KNTC1: variants seen among roughly 807,000 people sequenced by gnomAD.
KNTC1 encodes the protein kinetochore associated 1.
A neutral mutation model predicts 314.4 loss-of-function variants in KNTC1; 253 were observed. That is an observed-to-expected ratio of 0.80 (90% CI 0.73 to 0.89). The LOEUF is 0.89. Among genes scored for constraint, KNTC1 ranks in the 40% least tolerant of loss-of-function variants. KNTC1 has a pLI of 0.00. For synonymous variants in KNTC1, 901 were observed against 901.4 expected (o/e 1.00, Z 0.01); for missense variants, 2,475 against 2,572.9 (o/e 0.96, Z 0.82).
At chr12:122,582,588 G>A (rs1411489306) in intron 33 of KNTC1, 117 bp from the exon 34 acceptor site, 2 of 920,558 alleles carry the variant, frequency 2.2e-6, no homozygotes, top group African/African-American at 1.7e-5. Context: ...GCCCAGACAT[G>A]TACCCCTGAA....
rs369781146 is a variant in KNTC1, at chr12:122,546,632, G to T, written c.774G>T (p.Lys258Asn). Reference sequence around the variant, plus strand: ...TTTTCTCTTTTGTAGGTGCAAAGAAGTTCCAGCTGATAGACAATCTACTTT... The same window carrying T: ...TTTTCTCTTTTGTAGGTGCAAAGAATTTCCAGCTGATAGACAATCTACTTT... ...IDAEIIKGAK[K>N]FQLIDNLLFV... Residue 258 changes from lysine (K) to asparagine (N), a missense_variant, in exon 10 of 64, where the codon AAG (lysine) becomes AAT (asparagine). Physicochemically the swap from Lys to Asn is moderately conservative, Grantham distance 94. Coordinates refer to ENST00000333479, the MANE Select transcript of KNTC1 (RefSeq NM_014708.6). 1.9e-6 allele frequency: 3 copies of T among 1,585,860 alleles called. No homozygotes were observed. The African/African-American group carries it at 4.0e-5, about 21-fold the overall frequency.
intron 36 of KNTC1, among the ~76,000 whole-genome samples, chr12:122,585,242 A>G (rs773876042): frequency 6.6e-6 from 1 of 151,954 alleles, no homozygotes; most frequent in Non-Finnish European, 1.5e-5. Flanking sequence ...GGGTCTCACC[A>G]TCTTGTCTAG....
chr12:122,547,452 C>T lies in KNTC1; in HGVS notation c.854C>T (p.Pro285Leu), dbSNP rs747849684. The part of the protein sequence containing the change: ...LSLWDIYTLT[P>L]VWNWPSLHVE... ...TTATGGGATATTTACACTCTAACTC[C>T]TGTATGGAACTGGCCCTCTCTTCAC... The change falls in exon 11 of 64, where the codon CCT (proline) becomes CTT (leucine). Residue 285 changes from proline to leucine, a missense_variant. Pro to Leu is a moderately conservative substitution (Grantham distance 98, BLOSUM62 -3). Coordinates refer to ENST00000333479, the MANE Select transcript of KNTC1 (RefSeq NM_014708.6). 8.7e-6 allele frequency: 14 copies of T among 1,612,724 alleles called. No homozygotes were observed. Among genetic ancestry groups the T allele is most frequent in the Non-Finnish European group, 1.1e-5 (13 of 1,179,020 alleles).
intron 22 of KNTC1, among the ~76,000 whole-genome samples, chr12:122,570,345 C>T (rs1044306747): frequency 2.6e-5 from 4 of 151,662 alleles, no homozygotes; most frequent in African/African-American, 4.8e-5. Context: ...ATGGTGAAAC[C>T]CTGTGTCTAC....
intron 31 of KNTC1, 78 bp downstream of exon 31, chr12:122,577,869 T>TA: frequency 7.6e-7 from 1 of 1,321,630 alleles, no homozygotes; most frequent in Non-Finnish European, 1.0e-6. Flanking sequence ...AAGATGGACT[T>TA]ACACATATGA....
At chr12:122,601,432 A>T (rs1593658768) in intron 44 of KNTC1, 104 bp from the exon 45 acceptor site, 2 of 1,004,112 alleles carry the variant, frequency 2.0e-6, no homozygotes, top group East Asian at 6.0e-5. Context: ...AATGTAGTGC[A>T]GTGACATTTT....
intron 61 of KNTC1, 133 bp downstream of exon 61, chr12:122,622,103 A>G: frequency 1.4e-6 from 1 of 738,266 alleles, no homozygotes; most frequent in Non-Finnish European, 2.3e-6. Context: ...TTTTGCTTTT[A>G]CTAAAACCTC....
chr12:122,552,098 G>A (rs896480302), intron 16 of KNTC1, among the ~76,000 whole-genome samples: 2 of 151,854 alleles, frequency 1.3e-5, no homozygotes, highest in East Asian at 1.9e-4. Flanking sequence ...AGTAAAGATG[G>A]GGTTTCACCA....
At position 122,584,999 on chromosome 12, in the gene KNTC1, C is replaced by A; in HGVS notation, c.3534+9C>A. The A allele has an allele frequency of 2.0e-6, 3 of 1,519,628 alleles. No homozygotes were observed. The highest frequency in any genetic ancestry group is 2.7e-6 in the Non-Finnish European group (3 of 1,099,546). The allele number at this position is 1,519,628 out of a possible 1,614,324, so 94.1% of individuals were successfully genotyped here. On this transcript the variant is annotated intron_variant, in intron 36 of 63. Transcript: ENST00000333479. ...GTGGAATCCTCATGAAAGTAAGTTA[C>A]TTTTGAGTTTTTTCCCTTAAATCCT...
intron 26 of KNTC1, among the ~76,000 whole-genome samples, chr12:122,573,927 T>G (rs1964861179): frequency 6.6e-6 from 1 of 152,176 alleles, no homozygotes. Context: ...GATATTTCCC[T>G]TTCACAGTAC....
rs930931941 is a variant in KNTC1 at position 122,610,857 on chromosome 12, A to T, written c.5579A>T (p.Tyr1860Phe). Reference protein sequence around the residue: ...QYLLLSRPIDYSSRMLFVFAT... With the variant: ...QYLLLSRPIDFSSRMLFVFAT... ...CTCCTCCTGTCTCGTCCAATTGATTATAGTTCAAGAATGCTGTTTGTATTT... is the reference window on the plus strand; with the variant it reads ...CTCCTCCTGTCTCGTCCAATTGATTTTAGTTCAAGAATGCTGTTTGTATTT... The change falls in exon 53 of 64, where the codon TAT becomes TTT. Residue 1860 changes from tyrosine (Y) to phenylalanine (F), a missense_variant. Physicochemically the swap from Tyr to Phe is conservative, Grantham distance 22 (BLOSUM62 3). Coordinates refer to ENST00000333479, the MANE Select transcript of KNTC1 (RefSeq NM_014708.6). The T allele has an allele frequency of 1.9e-6, 3 of 1,613,454 alleles. No individual in the cohort carries two copies. The highest frequency in any genetic ancestry group is 2.5e-6 in the Non-Finnish European group (3 of 1,179,628).
At chr12:122,529,353 T>A (rs1961113662) in intron 1 of KNTC1, among the ~76,000 whole-genome samples, 1 of 152,216 alleles carries the variant, frequency 6.6e-6, no homozygotes, top group Admixed American at 6.5e-5. Flanking sequence ...CCTACCAGTC[T>A]TGATCCAAGG....
chr12:122,573,167 G>A lies in KNTC1; in HGVS notation c.2165G>A (p.Arg722Gln), dbSNP rs1322653956. Residue 722 changes from arginine to glutamine, a missense_variant, in exon 26 of 64, where the codon CGA becomes CAA. Arg to Gln is a conservative substitution (Grantham distance 43). Coordinates refer to ENST00000333479, the MANE Select transcript of KNTC1 (RefSeq NM_014708.6). The part of the protein sequence containing the change: ...EKENTTTIVF[R>Q]MFDKVLAPEL... Reference sequence around the variant, plus strand: ...GAAAATACAACCACCATAGTGTTCCGAATGTTTGATAAAGTGCTGGCCCCA... The same window carrying A: ...GAAAATACAACCACCATAGTGTTCCAAATGTTTGATAAAGTGCTGGCCCCA... 1.1e-5 allele frequency: 18 copies of A among 1,613,746 alleles called. No homozygotes were observed. The highest frequency in any genetic ancestry group is 1.3e-5 in the Non-Finnish European group (15 of 1,179,864).
In KNTC1 at chr12:122,604,601, T is replaced by C; in HGVS notation, c.5139T>C (p.Tyr1713=). 1.3e-6 allele frequency: 2 copies of C among 1,593,926 alleles called. No individual in the cohort carries two copies. Among genetic ancestry groups the C allele is most frequent in the South Asian group, 2.2e-5 (2 of 90,104 alleles). ...TATCTGCTTTGAAATTCTGCCTTTA[T>C]TTAGCTGAGAGATGGCTACAGAATA... ...FKISALKFCL[Y]LAERWLQNIP... Residue 1713 remains tyrosine (Y), a synonymous_variant, in exon 49 of 64, where the codon TAT becomes TAC. Transcript: ENST00000333479.
chr12:122,624,399 G>T (rs1481001793), intron 62 of KNTC1, among the ~76,000 whole-genome samples, 199 bp from the exon 63 acceptor site: 1 of 152,138 alleles, frequency 6.6e-6, no homozygotes, highest in African/African-American at 2.4e-5. Flanking sequence ...CTCCAGAGTA[G>T]CTGGGACTAC....
At chr12:122,532,378 T>A (rs1286639830) in intron 2 of KNTC1, among the ~76,000 whole-genome samples, 1 of 151,702 alleles carries the variant, frequency 6.6e-6, no homozygotes, top group African/African-American at 2.4e-5. Context: ...CCAGCTAATT[T>A]TTGTGTTTTT....
intron 20 of KNTC1, among the ~76,000 whole-genome samples, chr12:122,565,361 C>T (rs911581839): frequency 1.3e-5 from 2 of 151,500 alleles, no homozygotes; most frequent in Non-Finnish European, 2.9e-5. Context: ...CTCAAGTGAT[C>T]CTCCTGCCTC....
intron 51 of KNTC1, 184 bp from the exon 52 acceptor site, chr12:122,609,200 G>A: frequency 1.7e-6 from 1 of 572,282 alleles, no homozygotes; most frequent in Non-Finnish European, 3.1e-6. Flanking sequence ...TATTTGTTGA[G>A]TAAACAAATA....
Position 122,547,945 on chromosome 12 carries a change from T to G in KNTC1, c.963T>G (p.Ala321=). ...GAATTACAAATCTCAAATTAATAGC[T>G]CTGACAGCTTCAGCTAATAAGAAGG... ...WQGITNLKLI[A]LTASANKKMK... The change falls in exon 12 of 64, where the codon GCT becomes GCG. Residue 321 remains alanine (A), a synonymous_variant. Transcript: ENST00000333479. The G allele has an allele frequency of 6.4e-7, 1 of 1,552,560 alleles. No homozygotes were observed. The highest frequency in any genetic ancestry group is 8.7e-7 in the Non-Finnish European group (1 of 1,153,970).
Sources: allele counts gnomAD v4.1 joint callset (sites outside exome capture counted in the v4.1 genomes callset), GRCh38; gene constraint gnomAD v4.1.1; transcripts MANE v1.5; gene names NCBI Gene and HGNC (gene_info 2026-07-23, HGNC 2026-07-21).